Variants in PUS1 observed in about 807,000 individuals in gnomAD.
PUS1 encodes the protein pseudouridine synthase 1, also known as pseudouridylate synthase 1 homolog.
PUS1 carries 25 observed loss-of-function variants against 38.5 expected under a neutral mutation model. The observed-to-expected ratio is 0.65, with a 90% CI of 0.47 to 0.91. PUS1 has a LOEUF of 0.91. PUS1 is among the 40% of genes least tolerant of loss of function. The pLI, the probability that PUS1 is intolerant of heterozygous loss-of-function variation, is 0.00. For synonymous variants in PUS1, 282 were observed against 260.4 expected (o/e 1.08, Z -0.80); for missense variants, 597 against 612.3 (o/e 0.97, Z 0.26).
chr12:131,939,354 CT>C (rs1890971655), intron 4 of PUS1, 79 bp downstream of exon 4: 8 of 922,524 alleles, frequency 8.7e-6, no homozygotes, highest in Non-Finnish European at 1.0e-5. Flanking sequence ...ATGCTCCTGC[CT>C]TTTCCAACTG....
Position 131,943,625 on chromosome 12 carries a change from T to TCA in PUS1, c.*42_*43dup. 1 of 1,561,296 alleles carries TCA rather than the reference T, an allele frequency of 6.4e-7. No homozygotes were observed. The highest frequency in any genetic ancestry group is 8.8e-7 in the Non-Finnish European group (1 of 1,133,610). ...GCCCACCAGAGTGCCTCTGAGCAGC[T>TCA]CACAGTGTGTGCCCAGATGTGCCAC... On this transcript the variant is annotated 3_prime_UTR_variant, in exon 6 of 6. Coordinates refer to ENST00000376649, the MANE Select transcript of PUS1 (RefSeq NM_025215.6).
At position 131,943,755 on chromosome 12, in the gene PUS1, C is replaced by G. The variant is rs1891188027; in HGVS notation, c.*169C>G. ...CTTGTAGGAACAGCCTTTCTCGAAT[C>G]TGTTTTCAGCTCTTGCATTGCATAG... On this transcript the variant is annotated 3_prime_UTR_variant, in exon 6 of 6. Coordinates refer to ENST00000376649, the MANE Select transcript of PUS1 (RefSeq NM_025215.6). 3.1e-6 allele frequency: 2 copies of G among 646,214 alleles called. No individual in the cohort carries two copies. Among genetic ancestry groups the G allele is most frequent in the South Asian group, 3.2e-5 (2 of 62,366 alleles). The allele number at this position is 646,214 out of a possible 1,614,324, so 40.0% of individuals were successfully genotyped here.
rs1182923829 is a variant in PUS1, at chr12:131,943,551, C to T, written c.1249C>T (p.Leu417=). The T allele has an allele frequency of 6.2e-7, 1 of 1,613,616 alleles. No homozygotes were observed. The highest frequency in any genetic ancestry group is 1.7e-5 in the Admixed American group (1 of 60,002). The change falls in exon 6 of 6, where the codon CTG becomes TTG. Residue 417 remains leucine, a synonymous_variant. Coordinates refer to ENST00000376649, the MANE Select transcript of PUS1 (RefSeq NM_025215.6). The part of the protein sequence containing the change: ...GGTGAKVPSP[L]EGSEGDGDTD ...TCTTCTTCTGCAGGTGCCCAGTCCC[C>T]TGGAAGGCAGTGAAGGGGACGGAGA...
At chr12:131,940,996 G>T in intron 4 of PUS1, 2 of 472,388 alleles carry the variant, frequency 4.2e-6, no homozygotes, top group Non-Finnish European at 3.9e-6. Flanking sequence ...CTCCAAGCAT[G>T]TATCATTTCT....
At chr12:131,932,416 T>C (rs1890646632) in intron 3 of PUS1, 104 bp downstream of exon 3, 2 of 1,366,740 alleles carry the variant, frequency 1.5e-6, no homozygotes, top group East Asian at 2.4e-5. Context: ...GAGCACATAA[T>C]GATGTACAAA....
intron 3 of PUS1, among the ~76,000 whole-genome samples, chr12:131,937,897 C>G (rs2136439271): frequency 6.6e-6 from 1 of 152,182 alleles, no homozygotes. Context: ...ACATCATCAT[C>G]CTTTACCCTG....
At chr12:131,932,945 G>A (rs980219103) in intron 3 of PUS1, 1 of 356,608 alleles carries the variant, frequency 2.8e-6, no homozygotes, top group Non-Finnish European at 5.6e-6. Context: ...GGAGGCCTCA[G>A]GAAACAGATC....
At position 131,941,666 on chromosome 12, in the gene PUS1, G is replaced by T. The variant is rs2136444116; in HGVS notation, c.919G>T (p.Gly307Cys). Reference protein sequence around the residue: ...MVGLVVAIVKGYAPESVLERS... With the variant: ...MVGLVVAIVKCYAPESVLERS... ...CGGCCTGGTGGTGGCCATTGTGAAG[G>T]GTTATGCCCCTGAGAGCGTGCTGGA... Residue 307 changes from glycine to cysteine, a missense_variant, in exon 5 of 6, where the codon GGT becomes TGT. Gly to Cys is a radical substitution (Grantham distance 159). Coordinates refer to ENST00000376649, the MANE Select transcript of PUS1 (RefSeq NM_025215.6). The surrounding 1 kb of genome is among the most constrained non-coding windows in gnomAD (Gnocchi z 4.4). 1 of 1,614,206 alleles carries T rather than the reference G, an allele frequency of 6.2e-7. No homozygotes were observed. Among genetic ancestry groups the T allele is most frequent in the Non-Finnish European group, 8.5e-7 (1 of 1,180,036 alleles).
chr12:131,940,040 G>C (rs1054608917), intron 4 of PUS1, among the ~76,000 whole-genome samples: 5 of 151,670 alleles, frequency 3.3e-5, no homozygotes, highest in Non-Finnish European at 7.4e-5. Context: ...TCTGCTTGGA[G>C]AGAAGTGTTT....
At chr12:131,933,106 A>G (rs1036517704) in intron 3 of PUS1, among the ~76,000 whole-genome samples, 6 of 151,860 alleles carry the variant, frequency 4.0e-5, no homozygotes, top group Non-Finnish European at 8.8e-5. Flanking sequence ...TTCCCTAGAC[A>G]CTTGGGGATT....
Position 131,939,293 on chromosome 12 carries a change from G to A in PUS1, c.544+18G>A, listed in dbSNP as rs1459102078. On this transcript the variant is annotated intron_variant, in intron 4 of 5. Transcript: ENST00000376649. ...GATTCTGGGTAAGCCTTGCAGTGCAGGCGGCCACACACCTGGTTGTAGATG... is the reference window on the plus strand; with the variant it reads ...GATTCTGGGTAAGCCTTGCAGTGCAAGCGGCCACACACCTGGTTGTAGATG... 1.5e-5 allele frequency: 22 copies of A among 1,481,558 alleles called. No homozygotes were observed. The highest frequency in any genetic ancestry group is 2.0e-5 in the Admixed American group (1 of 51,146). 91.8% of individuals were successfully genotyped at this position (1,481,558 alleles called of 1,614,324 possible).
intron 3 of PUS1, among the ~76,000 whole-genome samples, chr12:131,936,178 T>A (rs1890822091): frequency 6.7e-6 from 1 of 150,286 alleles, no homozygotes; most frequent in Non-Finnish European, 1.5e-5. Context: ...GCCACTGCAC[T>A]GCAGCCCGGG....
At chr12:131,936,529 C>A (rs142980202) in intron 3 of PUS1, among the ~76,000 whole-genome samples, 2 of 152,062 alleles carry the variant, frequency 1.3e-5, no homozygotes, top group Admixed American at 1.3e-4. Flanking sequence ...TGCCATTGTA[C>A]TCCAGCCTGG....
intron 4 of PUS1, among the ~76,000 whole-genome samples, chr12:131,940,435 GT>G: frequency 6.6e-6 from 1 of 152,322 alleles, no homozygotes; most frequent in Admixed American, 6.5e-5. Flanking sequence ...GCCACGGATT[GT>G]TTATACAGTT....
chr12:131,931,979 A>G (rs1593288313), intron 2 of PUS1, 196 bp from the exon 3 acceptor site: 2 of 678,026 alleles, frequency 2.9e-6, no homozygotes, highest in East Asian at 2.7e-5. Context: ...CCCACCCCCT[A>G]GCATGGAGCA....
chr12:131,930,754 T>G (rs987275813), intron 2 of PUS1, among the ~76,000 whole-genome samples: 2 of 152,004 alleles, frequency 1.3e-5, no homozygotes, highest in African/African-American at 4.8e-5. Context: ...CTCCCGAACA[T>G]CGAGGGCTGT....
At chr12:131,938,924 T>C (rs1298416496) in intron 3 of PUS1, among the ~76,000 whole-genome samples, 1 of 152,078 alleles carries the variant, frequency 6.6e-6, no homozygotes. Flanking sequence ...ACAATACATT[T>C]AGTAGAGACT....
In PUS1 at chr12:131,929,616, T is replaced by G. The variant is rs1386194089; in HGVS notation, c.-107T>G. 5.2e-6 allele frequency: 5 copies of G among 961,326 alleles called. No individual in the cohort carries two copies. Among genetic ancestry groups the G allele is most frequent in the Non-Finnish European group, 7.3e-6 (5 of 681,382 alleles). The allele number at this position is 961,326 out of a possible 1,614,324, so 59.5% of individuals were successfully genotyped here. A position where few individuals can be genotyped will look rare whatever the true frequency, so the allele number is the denominator to read the frequency against. ...GGTCAGGGGTCAGAAGGAACAGGGC[T>G]GCAGCGTCAGGGTCCGAGAGGTTAG... On this transcript the variant is annotated 5_prime_UTR_variant, in exon 1 of 6. Transcript: ENST00000376649.
At chr12:131,936,019 T>C (rs1281439035) in intron 3 of PUS1, among the ~76,000 whole-genome samples, 1 of 151,720 alleles carries the variant, frequency 6.6e-6, no homozygotes, top group Non-Finnish European at 1.5e-5. Context: ...AAGACCAGTC[T>C]GGCCAACATG....
Sources: gnomAD v4.1 joint callset for allele counts (sites outside exome capture counted in the v4.1 genomes callset) on GRCh38, gnomAD v4.1.1 for gene constraint, Gnocchi (gnomAD v3.1) non-coding constraint, MANE v1.5 for transcripts, NCBI Gene and HGNC (gene_info 2026-07-23, HGNC 2026-07-21) for gene names.